Variants in PARD3 observed in about 807,000 individuals in gnomAD.
PARD3 encodes par-3 family cell polarity regulator.
PARD3 carries 75 observed loss-of-function variants against 155.4 expected under a neutral mutation model. That is an observed-to-expected ratio of 0.48 (90% confidence interval 0.40 to 0.58). The LOEUF (loss-of-function observed/expected upper bound fraction) is 0.58. Among genes scored for constraint, PARD3 ranks in the 20% least tolerant of loss-of-function variants. The pLI, the probability that PARD3 is intolerant of heterozygous loss-of-function variation, is 0.00. For missense variants in PARD3, 1,642 were observed against 1,721.7 expected (o/e 0.95, Z 0.82); for synonymous variants, 576 against 610.5 (o/e 0.94, Z 0.83).
chr10:34,395,400 T>C (rs577530247), intron 7 of PARD3, among the ~76,000 whole-genome samples: 1 of 152,258 alleles, frequency 6.6e-6, no homozygotes. Flanking sequence ...GATTCCAAGG[T>C]AATGAAACGT....
At chr10:34,657,971 C>G (rs374702190) in intron 2 of PARD3, among the ~76,000 whole-genome samples, 3 of 151,928 alleles carry the variant, frequency 2.0e-5, no homozygotes, top group African/African-American at 7.2e-5. Flanking sequence ...ACAGTGAAAC[C>G]CTGTCTCTAC....
chr10:34,545,640 C>T (rs964368409), intron 2 of PARD3, among the ~76,000 whole-genome samples: 44 of 152,290 alleles, frequency 2.9e-4, no homozygotes, highest in African/African-American at 9.1e-4. Flanking sequence ...CTGCAATCTC[C>T]ACCTCCCTGG....
At chr10:34,174,416 G>C (rs1949944265) in intron 22 of PARD3, among the ~76,000 whole-genome samples, 1 of 152,164 alleles carries the variant, frequency 6.6e-6, no homozygotes, top group Non-Finnish European at 1.5e-5. Flanking sequence ...CAATGCAAGA[G>C]ATATTATGAA....
intron 23 of PARD3, among the ~76,000 whole-genome samples, chr10:34,129,042 C>A (rs540479451): frequency 6.2e-4 from 94 of 152,368 alleles, no homozygotes; most frequent in African/African-American, 2.2e-3. Flanking sequence ...TAACAGGATC[C>A]AGCCTCTGTA....
At position 34,626,840 on chromosome 10, in the gene PARD3, C is replaced by A. The variant is rs184996239; in HGVS notation, c.222+69478G>T. Among the ~76,000 whole-genome samples the A allele has an allele frequency of 1.8e-3, 281 of 152,130 alleles. 1 individual carries two copies. In the Middle Eastern group the frequency reaches 0.024, roughly 13 times the overall value. ...GATATGAGTGATGGAATGTGCACAT[C>A]CAAAGTGAAATGTCATAACCACCAC... On this transcript the variant is annotated intron_variant, in intron 2 of 24. Transcript: ENST00000374788.
chr10:34,337,129 G>T, intron 17 of PARD3, 146 bp downstream of exon 17: 1 of 496,350 alleles, frequency 2.0e-6, no homozygotes, highest in Non-Finnish European at 3.5e-6. Flanking sequence ...CAAACTGGGA[G>T]AAAAACTAAT....
chr10:34,264,793 A>C (rs1955213595), intron 22 of PARD3, among the ~76,000 whole-genome samples: 2 of 151,214 alleles, frequency 1.3e-5, no homozygotes, highest in Non-Finnish European at 2.9e-5. Context: ...TCTGTTGCCC[A>C]GACTGGAGTG....
chr10:34,738,262 T>A (rs1360572204), intron 1 of PARD3, among the ~76,000 whole-genome samples: 1 of 152,208 alleles, frequency 6.6e-6, no homozygotes, highest in African/African-American at 2.4e-5. Flanking sequence ...CTGGAGGGAA[T>A]GATCAGGATT....
At chr10:34,672,624 A>T (rs1389029321) in intron 2 of PARD3, among the ~76,000 whole-genome samples, 1 of 152,220 alleles carries the variant, frequency 6.6e-6, no homozygotes, top group Non-Finnish European at 1.5e-5. Context: ...TCGAGGTTCC[A>T]GTGAGCTATG....
At chr10:34,764,396 C>T (rs1433505353) in intron 1 of PARD3, among the ~76,000 whole-genome samples, 1 of 152,134 alleles carries the variant, frequency 6.6e-6, no homozygotes, top group Non-Finnish European at 1.5e-5. Context: ...TTGGAAAATA[C>T]AGTTTAAAAT....
At chr10:34,221,388 CTTTTTTT>C (rs3039277) in intron 22 of PARD3, among the ~76,000 whole-genome samples, 3 of 119,788 alleles carry the variant, frequency 2.5e-5, no homozygotes, top group Non-Finnish European at 5.2e-5. Context: ...CAGGACTTGC[CTTTTTTT>C]TTTTTTTTTT....
chr10:34,207,782 C>G (rs1008826018), intron 22 of PARD3, among the ~76,000 whole-genome samples: 2 of 152,080 alleles, frequency 1.3e-5, no homozygotes, highest in African/African-American at 4.8e-5. Context: ...ATAGGAAAAC[C>G]CAGCATGAAT....
At chr10:34,809,016 G>A (rs1843743855) in intron 1 of PARD3, among the ~76,000 whole-genome samples, 1 of 152,156 alleles carries the variant, frequency 6.6e-6, no homozygotes, top group Non-Finnish European at 1.5e-5. Context: ...GCGAATCCCA[G>A]GAGGGTCCTC....
intron 2 of PARD3, among the ~76,000 whole-genome samples, chr10:34,626,252 T>A (rs369622626): frequency 6.6e-6 from 1 of 152,244 alleles, no homozygotes; most frequent in African/African-American, 2.4e-5. Context: ...CTCCATTTAA[T>A]GCTCATTCTC....
At chr10:34,611,760 T>A (rs573241204) in intron 2 of PARD3, among the ~76,000 whole-genome samples, 2 of 152,154 alleles carry the variant, frequency 1.3e-5, no homozygotes, top group East Asian at 3.9e-4. Context: ...TGAATTTATT[T>A]TCATCCACGT....
intron 22 of PARD3, among the ~76,000 whole-genome samples, chr10:34,172,508 CG>C (rs994206616): frequency 7.9e-5 from 12 of 152,000 alleles, no homozygotes; most frequent in African/African-American, 2.9e-4. Flanking sequence ...GTAATGTGCA[CG>C]TGTGTTATTT....
At chr10:34,598,436 A>G (rs369638707) in intron 2 of PARD3, among the ~76,000 whole-genome samples, 1 of 152,358 alleles carries the variant, frequency 6.6e-6, no homozygotes, top group South Asian at 2.1e-4. Flanking sequence ...CTTGACTTAT[A>G]TATCTTAGTA....
intron 1 of PARD3, among the ~76,000 whole-genome samples, chr10:34,771,507 G>A (rs150583452): frequency 6.6e-6 from 1 of 152,350 alleles, no homozygotes; most frequent in African/African-American, 2.4e-5. Context: ...GCATATTTCT[G>A]TCAGCGTGTT....
intron 1 of PARD3, among the ~76,000 whole-genome samples, chr10:34,722,659 T>G (rs1385162920): frequency 6.6e-6 from 1 of 152,166 alleles, no homozygotes; most frequent in Non-Finnish European, 1.5e-5. Flanking sequence ...TTGCCTATGC[T>G]CCGAAAGCTG....
Sources: gnomAD v4.1 joint callset for allele counts (sites outside exome capture counted in the v4.1 genomes callset) on GRCh38, gnomAD v4.1.1 for gene constraint, MANE v1.5 for transcripts, NCBI Gene and HGNC (gene_info 2026-07-23, HGNC 2026-07-21) for gene names.